TMEM65: variants seen among roughly 807,000 people sequenced by gnomAD.
The protein encoded by TMEM65 is transmembrane protein 65.
TMEM65 carries 22 observed loss-of-function variants against 25.4 expected under a neutral mutation model. The ratio of observed to expected loss-of-function variants is 0.86; its 90% CI spans 0.62 to 1.23. The LOEUF (loss-of-function observed/expected upper bound fraction) is 1.23, where lower values mean the gene tolerates loss of function less well. Ranked by LOEUF, TMEM65 falls within the 50% of genes most tolerant of loss-of-function variation. TMEM65 has a pLI of 0.00. For synonymous variants in TMEM65, 132 were observed against 126.2 expected (o/e 1.05, Z -0.31); for missense variants, 262 against 308.2 (o/e 0.85, Z 1.12).
At chr8:124,343,996 C>T (rs1814614640) in intron 1 of TMEM65, among the ~76,000 whole-genome samples, 2 of 152,284 alleles carry the variant, frequency 1.3e-5, no homozygotes, top group South Asian at 4.1e-4. Flanking sequence ...CAGTAGCCTC[C>T]AACCTTGCAA....
chr8:124,363,864 A>C (rs975405210), intron 1 of TMEM65, among the ~76,000 whole-genome samples: 6 of 149,296 alleles, frequency 4.0e-5, no homozygotes, highest in African/African-American at 1.2e-4. Flanking sequence ...AAAAAAAAAA[A>C]AAACAAGAAG....
At chr8:124,322,257 G>A in intron 4 of TMEM65, 110 bp from the exon 5 acceptor site, 1 of 753,424 alleles carries the variant, frequency 1.3e-6, no homozygotes, top group Non-Finnish European at 2.1e-6. Flanking sequence ...TCAAACAACA[G>A]CAACCATATC....
In TMEM65 at chr8:124,360,367, T is replaced by A. The variant is rs562390208; in HGVS notation, c.304+11487A>T. Among the ~76,000 whole-genome samples the A allele has an allele frequency of 2.7e-5, 4 of 147,940 alleles. No individual in the cohort carries two copies. In the East Asian group the frequency reaches 8.0e-4, roughly 30 times the overall value. The stretch of plus-strand genomic sequence containing the variant: ...GTCGCTTGAACCCAGAAGGCAGAGG[T>A]TGCAGTGAGCCTAAATCTCACCACT... On this transcript the variant is annotated intron_variant, in intron 1 of 6. Coordinates refer to ENST00000297632, the MANE Select transcript of TMEM65 (RefSeq NM_194291.3).
chr8:124,340,802 A>G (rs958102948), intron 1 of TMEM65, among the ~76,000 whole-genome samples: 1 of 152,156 alleles, frequency 6.6e-6, no homozygotes, highest in African/African-American at 2.4e-5. Flanking sequence ...AGGCTGAGAA[A>G]AATGTGCACA....
chr8:124,347,308 G>C (rs186604550), intron 1 of TMEM65, among the ~76,000 whole-genome samples: 1 of 152,224 alleles, frequency 6.6e-6, no homozygotes, highest in East Asian at 1.9e-4. Context: ...AAAGGCATTT[G>C]AGCGTAATCT....
chr8:124,362,383 T>C (rs1258173521), intron 1 of TMEM65, among the ~76,000 whole-genome samples: 1 of 151,322 alleles, frequency 6.6e-6, no homozygotes, highest in Non-Finnish European at 1.5e-5. Flanking sequence ...AAAAATTGGC[T>C]GGTCGCAGTG....
At chr8:124,332,969 C>A (rs906197053) in intron 1 of TMEM65, among the ~76,000 whole-genome samples, 1 of 151,944 alleles carries the variant, frequency 6.6e-6, no homozygotes, top group South Asian at 2.1e-4. Context: ...CCACACCTGG[C>A]TAATTTTGTA....
chr8:124,339,771 C>A (rs1185736058), intron 1 of TMEM65, among the ~76,000 whole-genome samples: 3 of 151,814 alleles, frequency 2.0e-5, no homozygotes, highest in Non-Finnish European at 4.4e-5. Flanking sequence ...GTGGTTTCCC[C>A]TAAATCTAAA....
In TMEM65 at chr8:124,339,208, AAAAAAAAAAAAAAAATATATATATATAT is replaced by A. The variant is rs1445039541; in HGVS notation, c.305-8444_305-8417del. 1.9e-4 allele frequency among the ~76,000 whole-genome samples: 8 copies of A among 42,060 alleles called. No individual in the cohort carries two copies. The South Asian group carries it at 7.2e-3, about 38-fold the overall frequency. The allele number at this position is 42,060 out of a possible 152,430, so 27.6% of individuals were successfully genotyped here. A position where few individuals can be genotyped will look rare whatever the true frequency, so the allele number is the denominator to read the frequency against. The stretch of plus-strand genomic sequence containing the variant: ...CTCTGTCTCAAAAAAAAAAAAAAAA[AAAAAAAAAAAAAAAATATATATATATAT>A]ATATATATATATAAAATATTCTTGC... On this transcript the variant is annotated intron_variant, in intron 1 of 6. Coordinates refer to ENST00000297632, the MANE Select transcript of TMEM65 (RefSeq NM_194291.3).
chr8:124,339,222 A>AAATATATATATAT (rs1563594368), intron 1 of TMEM65, among the ~76,000 whole-genome samples: 1 of 19,908 alleles, frequency 5.0e-5, no homozygotes, highest in African/African-American at 2.6e-4. Flanking sequence ...AAAAAAAAAA[A>AAATATATATATAT]ATATATATAT....
At chr8:124,354,509 TC>T (rs1265863003) in intron 1 of TMEM65, among the ~76,000 whole-genome samples, 2 of 152,274 alleles carry the variant, frequency 1.3e-5, no homozygotes, top group South Asian at 2.1e-4. Context: ...CAATCAGTCA[TC>T]TTGGGGGACC....
intron 1 of TMEM65, among the ~76,000 whole-genome samples, chr8:124,362,215 G>A (rs959826675): frequency 1.3e-5 from 2 of 152,026 alleles, no homozygotes; most frequent in African/African-American, 4.8e-5. Flanking sequence ...GATAAGGAAA[G>A]TTGTAAAAAG....
chr8:124,361,608 G>A lies in TMEM65; in HGVS notation c.304+10246C>T, dbSNP rs545110127. On this transcript the variant is annotated intron_variant, in intron 1 of 6. Coordinates refer to ENST00000297632, the MANE Select transcript of TMEM65 (RefSeq NM_194291.3). Reference sequence around the variant, plus strand: ...CAGCACTTTGGGAGCAGAGGCGGGTGAATCACTTGAGGTCAGGAGTTCGAG... The same window carrying A: ...CAGCACTTTGGGAGCAGAGGCGGGTAAATCACTTGAGGTCAGGAGTTCGAG... Among the ~76,000 whole-genome samples the A allele has an allele frequency of 5.9e-5, 9 of 151,470 alleles. No homozygotes were observed. In the East Asian group the frequency reaches 1.8e-3, roughly 30 times the overall value.
intron 1 of TMEM65, among the ~76,000 whole-genome samples, chr8:124,354,151 C>T (rs1380612252): frequency 6.6e-6 from 1 of 151,988 alleles, no homozygotes; most frequent in Non-Finnish European, 1.5e-5. Context: ...AGACATGCTA[C>T]AAAAAAACTG....
At chr8:124,332,021 G>GA (rs11377962) in intron 1 of TMEM65, among the ~76,000 whole-genome samples, 16,841 of 151,936 alleles carry the variant, frequency 0.11, 1,039 homozygotes, top group African/African-American at 0.16. Context: ...AAAGTTCTAA[G>GA]AAGCAAACTT....
At chr8:124,329,047 ATAGG>A (rs1267681198) in intron 2 of TMEM65, among the ~76,000 whole-genome samples, 2 of 152,030 alleles carry the variant, frequency 1.3e-5, no homozygotes, top group Non-Finnish European at 2.9e-5. Flanking sequence ...CCAGTACATA[ATAGG>A]TATAAAATAG....
rs766558254 is a variant in TMEM65, at chr8:124,322,162, A to AATTTTTGTTAC, written c.473-16_473-15insGTAACAAAAAT. ...CAAAGCAGCAGCTAAAAATTTGAAA[A>AATTTTTGTTAC]ATAAATAATTGTTACATAAAAGAAT... On this transcript the variant is annotated splice_polypyrimidine_tract_variant and intron_variant, in intron 4 of 6. Coordinates refer to ENST00000297632, the MANE Select transcript of TMEM65 (RefSeq NM_194291.3). 6.3e-6 allele frequency: 10 copies of AATTTTTGTTAC among 1,596,786 alleles called. No homozygotes were observed. In the East Asian group the frequency reaches 1.8e-4, roughly 29 times the overall value.
intron 1 of TMEM65, among the ~76,000 whole-genome samples, chr8:124,339,954 G>C (rs1177418945): frequency 6.6e-6 from 1 of 152,030 alleles, no homozygotes; most frequent in African/African-American, 2.4e-5. Flanking sequence ...GCTCACTTGT[G>C]AGGTGTATCA....
chr8:124,333,730 CT>C (rs1165618191), intron 1 of TMEM65, among the ~76,000 whole-genome samples: 1 of 152,058 alleles, frequency 6.6e-6, no homozygotes, highest in Non-Finnish European at 1.5e-5. Flanking sequence ...CCAGGTTGAT[CT>C]AGAGGGGAAT....
Sources: gnomAD v4.1 joint callset for allele counts (sites outside exome capture counted in the v4.1 genomes callset) on GRCh38, gnomAD v4.1.1 for gene constraint, MANE v1.5 for transcripts, NCBI Gene and HGNC (gene_info 2026-07-23, HGNC 2026-07-21) for gene names.